The following ANKRD55 variants were observed in gnomAD, a reference collection of about 807,000 sequenced individuals.
ANKRD55 encodes ankyrin repeat domain 55, also known as ankyrin repeat domain-containing protein 55.
Under a neutral mutation model 60.6 loss-of-function variants are expected in ANKRD55, and 41 were observed. The ratio of observed to expected loss-of-function variants is 0.68; its 90% CI spans 0.53 to 0.88. The LOEUF (loss-of-function observed/expected upper bound fraction) is 0.88, where lower values mean the gene tolerates loss of function less well. ANKRD55 is among the 40% of genes least tolerant of loss of function. The probability of loss-of-function intolerance (pLI) is 0.00; values close to 1 mark genes in which losing one functional copy is unlikely to be tolerated. For synonymous variants in ANKRD55, 264 were observed against 290.3 expected, an observed-to-expected ratio of 0.91 and a Z score of 0.92; for missense variants, 732 against 767.6, an observed-to-expected ratio of 0.95 and a Z score of 0.55.
intron 5 of ANKRD55, among the ~76,000 whole-genome samples, chr5:56,170,131 C>T (rs1359582803): frequency 6.6e-6 from 1 of 152,208 alleles, no homozygotes; most frequent in East Asian, 1.9e-4. Flanking sequence ...CTGCTGACTC[C>T]TTTGCCTCCT....
intron 6 of ANKRD55, among the ~76,000 whole-genome samples, chr5:56,157,857 G>A (rs1397993341): frequency 6.6e-6 from 1 of 152,030 alleles, no homozygotes; most frequent in Non-Finnish European, 1.5e-5. Context: ...AGTCCCGTGG[G>A]CCCACTTTTC....
chr5:56,116,788 G>C lies in ANKRD55; in HGVS notation c.798-6C>G, dbSNP rs1425613488. On this transcript the variant is annotated splice_polypyrimidine_tract_variant and splice_region_variant and intron_variant, in intron 8 of 11. Transcript: ENST00000341048. ...CAGCCCAGTGCAGAGGTGTCCTGGA[G>C]GGGCCATGTGAAAAAAGCACAAGCG... is the stretch of plus-strand genomic sequence containing the variant. 2 of 1,596,210 alleles carry C rather than the reference G, an allele frequency of 1.3e-6. No individual in the cohort carries two copies. Among genetic ancestry groups the C allele is most frequent in the South Asian group, 2.3e-5 (2 of 88,862 alleles).
intron 4 of ANKRD55, among the ~76,000 whole-genome samples, chr5:56,172,521 T>C (rs1486563211): frequency 1.3e-5 from 2 of 152,206 alleles, no homozygotes; most frequent in African/African-American, 4.8e-5. Flanking sequence ...TTTGAAACAC[T>C]TTTAAAAATC....
intron 2 of ANKRD55, among the ~76,000 whole-genome samples, chr5:56,211,596 A>G (rs1759675773): frequency 6.6e-6 from 1 of 152,016 alleles, no homozygotes; most frequent in Non-Finnish European, 1.5e-5. Flanking sequence ...GTCTGGAAGC[A>G]CTCTTTCACT....
intron 7 of ANKRD55, among the ~76,000 whole-genome samples, chr5:56,141,273 TA>T (rs1185568616): frequency 2.1e-5 from 3 of 143,680 alleles, no homozygotes; most frequent in South Asian, 2.3e-4. Context: ...CCAATACAAA[TA>T]TTTTTTTTAA....
chr5:56,160,107 T>C (rs1192680373), intron 5 of ANKRD55, among the ~76,000 whole-genome samples: 3 of 152,116 alleles, frequency 2.0e-5, no homozygotes, highest in African/African-American at 4.8e-5. Flanking sequence ...ACTGTCTGCC[T>C]CTCCCACCCT....
chr5:56,150,722 A>C (rs1377161083), intron 6 of ANKRD55, among the ~76,000 whole-genome samples: 1 of 152,040 alleles, frequency 6.6e-6, no homozygotes, highest in Non-Finnish European at 1.5e-5. Context: ...ACATGGTGAA[A>C]TCCCGCCTCT....
intron 6 of ANKRD55, among the ~76,000 whole-genome samples, chr5:56,149,479 A>G (rs748285456): frequency 2.8e-4 from 42 of 152,352 alleles, no homozygotes; most frequent in Non-Finnish European, 5.4e-4. Context: ...TTCTAACAAG[A>G]ACAAACTTAT....
At chr5:56,145,489 G>T (rs1409201822) in intron 6 of ANKRD55, among the ~76,000 whole-genome samples, 2 of 152,194 alleles carry the variant, frequency 1.3e-5, no homozygotes, top group African/African-American at 2.4e-5. Context: ...GATCAATGAG[G>T]GAGAATAGGA....
chr5:56,176,180 C>G lies in ANKRD55; in HGVS notation c.284G>C (p.Arg95Pro). Residue 95 changes from arginine to proline, a missense_variant, in exon 4 of 12, where the codon CGC (arginine) becomes CCC (proline). Around this residue, in one of 3 missense-constraint regions of ANKRD55, gnomAD observed 131 missense variants for 142.7 expected, o/e 0.92. Transcript: ENST00000341048. The stretch of plus-strand genomic sequence containing the variant: ...GTAGGTGGCCAGGCATAAACTTGTG[C>G]GGCCATAAGCATCCTGCATGTTAAT... ...ANINMQDAYG[R>P]TSLCLATYLG... is the part of the protein sequence containing the mutation. The G allele has an allele frequency of 1.2e-6, 2 of 1,614,144 alleles. No homozygotes were observed. Among genetic ancestry groups the G allele is most frequent in the Non-Finnish European group, 8.5e-7 (1 of 1,180,034 alleles).
intron 8 of ANKRD55, among the ~76,000 whole-genome samples, chr5:56,125,494 G>T (rs541598106): frequency 6.6e-6 from 1 of 151,964 alleles, no homozygotes; most frequent in East Asian, 1.9e-4. Flanking sequence ...TGGCCAGGCT[G>T]GTCTCAAACT....
chr5:56,204,587 T>C (rs1468966844), intron 2 of ANKRD55, among the ~76,000 whole-genome samples: 1 of 152,184 alleles, frequency 6.6e-6, no homozygotes, highest in Non-Finnish European at 1.5e-5. Context: ...GAAGGATGCA[T>C]TTGCTGCTTC....
At position 56,156,229 on chromosome 5, in the gene ANKRD55, T is replaced by C. The variant is rs569151802; in HGVS notation, c.483+3604A>G. Among the ~76,000 whole-genome samples the C allele has an allele frequency of 4.6e-5, 7 of 152,330 alleles. No homozygotes were observed. In the South Asian group the frequency reaches 1.4e-3, roughly 32 times the overall value. ...GGAAGCTGTGACCATGGGTAGGAAG[T>C]GCCTTGTTGAGGCCCTTGCTCTGCT... On this transcript the variant is annotated intron_variant, in intron 6 of 11. Transcript: ENST00000341048.
At position 56,224,552 on chromosome 5, in the gene ANKRD55, G is replaced by A. The variant is rs182317598; in HGVS notation, c.58+8304C>T. On this transcript the variant is annotated intron_variant, in intron 2 of 11. Transcript: ENST00000341048. ...CAAAAAATCAGTGAATCCAGGAGCC[G>A]CTTTTTTGAAAAGATCAACAAAATT... is the stretch of plus-strand genomic sequence containing the variant. Among the ~76,000 whole-genome samples the A allele has an allele frequency of 3.3e-4, 50 of 152,158 alleles. 1 individual carries two copies. In the East Asian group the frequency reaches 6.9e-3, roughly 21 times the overall value.
chr5:56,113,694 TGAGGTGGGGGAATGG>T (rs1392262516), intron 9 of ANKRD55, among the ~76,000 whole-genome samples: 1 of 151,792 alleles, frequency 6.6e-6, no homozygotes, highest in African/African-American at 2.4e-5. Flanking sequence ...GAAGTGAGGG[TGAGGTGGGGGAATGG>T]GAGGTGTAGG....
At chr5:56,126,826 G>A in intron 8 of ANKRD55, 96 bp downstream of exon 8, 2 of 1,338,418 alleles carry the variant, frequency 1.5e-6, no homozygotes, top group Non-Finnish European at 2.0e-6. Context: ...TAGGGATATA[G>A]CTGTATAGGA....
chr5:56,170,225 T>C lies in ANKRD55; in HGVS notation c.422+469A>G, dbSNP rs1361418987. Reference sequence around the variant, plus strand: ...ACTGCTCTTTTGCCCTATTTAATTTTCTTCATAGCCCTCATCACTATTAGA... The same window carrying C: ...ACTGCTCTTTTGCCCTATTTAATTTCCTTCATAGCCCTCATCACTATTAGA... On this transcript the variant is annotated intron_variant, in intron 5 of 11. Transcript: ENST00000341048. Among the ~76,000 whole-genome samples, 15 of 152,340 alleles carry C rather than the reference T, an allele frequency of 9.8e-5. No individual in the cohort carries two copies. In the East Asian group the frequency reaches 2.9e-3, roughly 29 times the overall value.
chr5:56,154,284 C>T (rs973391575), intron 6 of ANKRD55, among the ~76,000 whole-genome samples: 21 of 151,876 alleles, frequency 1.4e-4, no homozygotes, highest in East Asian at 9.7e-4. Flanking sequence ...TGTTACTCCC[C>T]GCTACCCCTC....
intron 6 of ANKRD55, among the ~76,000 whole-genome samples, chr5:56,145,917 T>G (rs1472642436): frequency 1.3e-5 from 2 of 152,228 alleles, no homozygotes; most frequent in Non-Finnish European, 2.9e-5. Flanking sequence ...GCTGAATATT[T>G]ACTTGGAAAT....
Sources: allele counts gnomAD v4.1 joint callset (sites outside exome capture counted in the v4.1 genomes callset), GRCh38; gene constraint gnomAD v4.1.1; regional missense constraint gnomAD v4.1.1; transcripts MANE v1.5; gene names NCBI Gene and HGNC (gene_info 2026-07-23, HGNC 2026-07-21).